DLGAP4: variants seen among roughly 807,000 people sequenced by gnomAD.
DLGAP4 encodes the protein DLG associated protein 4, also known as disks large-associated protein 4.
Under a neutral mutation model 86.9 loss-of-function variants are expected in DLGAP4, and 18 were observed. The observed-to-expected ratio is 0.21, with a 90% CI of 0.14 to 0.31. The LOEUF (loss-of-function observed/expected upper bound fraction) is 0.31, where lower values mean the gene tolerates loss of function less well. Among genes scored for constraint, DLGAP4 ranks in the 10% least tolerant of loss-of-function variants. DLGAP4 has a pLI of 1.00. For synonymous variants in DLGAP4, 548 were observed against 574.3 expected, an observed-to-expected ratio of 0.95 and a Z score of 0.65; for missense variants, 1,085 against 1,362.6, an observed-to-expected ratio of 0.80 and a Z score of 3.21.
chr20:36,438,767 G>A (rs2033361768), intron 4 of DLGAP4, among the ~76,000 whole-genome samples: 1 of 146,682 alleles, frequency 6.8e-6, no homozygotes, highest in Admixed American at 6.9e-5. Flanking sequence ...GGAGTGCAGT[G>A]GCACAAACTT....
intron 2 of DLGAP4, among the ~76,000 whole-genome samples, chr20:36,406,007 TTTGCTG>T (rs1414695524): frequency 6.6e-6 from 1 of 152,118 alleles, no homozygotes; most frequent in Admixed American, 6.5e-5. Context: ...AACTGCGGCA[TTTGCTG>T]TTGGAAGCTA....
At chr20:36,311,073 G>A (rs1320193051) in intron 1 of DLGAP4, among the ~76,000 whole-genome samples, 3 of 152,158 alleles carry the variant, frequency 2.0e-5, no homozygotes, top group African/African-American at 7.2e-5. Flanking sequence ...TTAGGGGTGT[G>A]CAGCACGTGC....
At chr20:36,401,876 T>G (rs1600484972) in intron 2 of DLGAP4, among the ~76,000 whole-genome samples, 2 of 152,138 alleles carry the variant, frequency 1.3e-5, no homozygotes, top group African/African-American at 4.8e-5. Flanking sequence ...AAAAGTATTC[T>G]AGAAAGAGGT....
Position 36,526,889 on chromosome 20 carries a change from C to T in DLGAP4, c.2837C>T (p.Ser946Leu). 2 of 1,613,336 alleles carry T rather than the reference C, an allele frequency of 1.2e-6. No individual in the cohort carries two copies. The highest frequency in any genetic ancestry group is 8.5e-7 in the Non-Finnish European group (1 of 1,179,828). ...CCGGCAGTGAGCCGCGACAAGGCCT[C>T]AGACGCCAGCGACAAGCAGCGCCAG... is the stretch of plus-strand genomic sequence containing the variant. ...SKPAVSRDKA[S>L]DASDKQRQEA... Residue 946 changes from serine to leucine, a missense_variant, in exon 13 of 13, where the codon TCA (serine) becomes TTA (leucine). By Grantham distance (145) the Ser-to-Leu change is moderately radical. Coordinates refer to ENST00000339266, the MANE Select transcript of DLGAP4 (RefSeq NM_001365621.2).
At position 36,447,327 on chromosome 20, in the gene DLGAP4, G is replaced by A. The variant is rs373951446; in HGVS notation, c.1648+390G>A. Among the ~76,000 whole-genome samples, 13 of 152,340 alleles carry A rather than the reference G, an allele frequency of 8.5e-5. No homozygotes were observed. The East Asian group carries it at 1.7e-3, about 20-fold the overall frequency. On this transcript the variant is annotated intron_variant, in intron 7 of 12. Coordinates refer to ENST00000339266, the MANE Select transcript of DLGAP4 (RefSeq NM_001365621.2). Reference sequence around the variant, plus strand: ...CAGGTTGGAACCTGCAGAGAAGCCTGCAGTGAGGGTGGGGTCTGCACTGAG... The same window carrying A: ...CAGGTTGGAACCTGCAGAGAAGCCTACAGTGAGGGTGGGGTCTGCACTGAG...
intron 2 of DLGAP4, among the ~76,000 whole-genome samples, chr20:36,396,326 CA>C (rs2031949169): frequency 2.2e-5 from 3 of 136,962 alleles, no homozygotes; most frequent in Non-Finnish European, 3.1e-5. Flanking sequence ...ACCCAGCACA[CA>C]CACACACACG....
At chr20:36,427,578 A>G (rs2033010949) in intron 2 of DLGAP4, among the ~76,000 whole-genome samples, 1 of 152,164 alleles carries the variant, frequency 6.6e-6, no homozygotes, top group Non-Finnish European at 1.5e-5. Flanking sequence ...TTGTTACTAA[A>G]TGTCACTAAA....
At chr20:36,396,327 A>G in intron 2 of DLGAP4, among the ~76,000 whole-genome samples, 1 of 35,144 alleles carries the variant, frequency 2.8e-5, no homozygotes, top group Non-Finnish European at 7.0e-5. Flanking sequence ...CCCAGCACAC[A>G]CACACACACG....
At position 36,528,357 on chromosome 20, in the gene DLGAP4, G is replaced by C. The variant is rs952236745; in HGVS notation, c.*1326G>C. On this transcript the variant is annotated 3_prime_UTR_variant, in exon 13 of 13. Coordinates refer to ENST00000339266, the MANE Select transcript of DLGAP4 (RefSeq NM_001365621.2). Reference sequence around the variant, plus strand: ...GGGCAGGGGCTGAGCCCCGAAGCCAGCTCAGTACCTGAGGGGCTGCTCTAT... The same window carrying C: ...GGGCAGGGGCTGAGCCCCGAAGCCACCTCAGTACCTGAGGGGCTGCTCTAT... 6.6e-6 allele frequency: 1 copy of C among 152,656 alleles called. No homozygotes were observed. The highest frequency in any genetic ancestry group is 2.4e-5 in the African/African-American group (1 of 41,390). The allele number at this position is 152,656 out of a possible 1,614,324, so 9.5% of individuals were successfully genotyped here.
In DLGAP4 at chr20:36,432,527, G is replaced by A. The variant is rs763627689; in HGVS notation, c.810G>A (p.Pro270=). The A allele has an allele frequency of 5.9e-5, 42 of 712,690 alleles. 2 individuals carry two copies. In the Middle Eastern group the frequency reaches 4.2e-3, roughly 71 times the overall value. The allele number at this position is 712,690 out of a possible 1,614,324, so 44.1% of individuals were successfully genotyped here. ...CTGAGCTGACTGCCCCACCACCCCC[G>A]CCCGCACCCCCAGCCACCTGCCCCA... The part of the protein sequence containing the change: ...NTTELTAPPP[P]PAPPATCPSL... The change falls in exon 3 of 13, where the codon CCG becomes CCA. Residue 270 remains proline (P), a synonymous_variant. Transcript: ENST00000339266. The surrounding 1 kb of genome is among the most constrained non-coding windows in gnomAD (Gnocchi z 6.5).
chr20:36,425,368 G>T (rs919042018), intron 2 of DLGAP4, among the ~76,000 whole-genome samples: 4 of 152,118 alleles, frequency 2.6e-5, no homozygotes, highest in Admixed American at 2.6e-4. Context: ...GCAAATCAAA[G>T]CCACAGGGAG....
intron 6 of DLGAP4, among the ~76,000 whole-genome samples, chr20:36,443,177 G>T (rs1016022170): frequency 6.6e-5 from 10 of 152,160 alleles, no homozygotes; most frequent in African/African-American, 2.4e-4. Context: ...AGATCCCTTG[G>T]CTTTTCTCCT....
intron 10 of DLGAP4, among the ~76,000 whole-genome samples, chr20:36,511,688 A>G (rs1482918211): frequency 1.3e-5 from 2 of 151,880 alleles, no homozygotes; most frequent in Non-Finnish European, 2.9e-5. Context: ...CAGCCTGGCC[A>G]ACATGGTGAA....
intron 2 of DLGAP4, among the ~76,000 whole-genome samples, chr20:36,368,221 C>T (rs1336519329): frequency 6.6e-6 from 1 of 152,232 alleles, no homozygotes; most frequent in African/African-American, 2.4e-5. Flanking sequence ...CGCCTCCTGG[C>T]CTTTTGGCCA....
Position 36,374,114 on chromosome 20 carries a change from C to A in DLGAP4, c.-73+6839C>A, listed in dbSNP as rs546434336. 2.0e-5 allele frequency among the ~76,000 whole-genome samples: 3 copies of A among 152,008 alleles called. No homozygotes were observed. In the East Asian group the frequency reaches 5.8e-4, roughly 29 times the overall value. ...GTCAGAAGCTCACTGAGGCAGCCTTCGACTTTCCTGGAGTCAGAACATTGG... is the reference window on the plus strand; with the variant it reads ...GTCAGAAGCTCACTGAGGCAGCCTTAGACTTTCCTGGAGTCAGAACATTGG... On this transcript the variant is annotated intron_variant, in intron 2 of 12. Coordinates refer to ENST00000339266, the MANE Select transcript of DLGAP4 (RefSeq NM_001365621.2).
chr20:36,407,401 C>T (rs867004873), intron 2 of DLGAP4, among the ~76,000 whole-genome samples: 1 of 152,246 alleles, frequency 6.6e-6, no homozygotes, highest in Middle Eastern at 3.4e-3. Flanking sequence ...CATTCATTCA[C>T]CAGGCTTTTA....
rs775367931 is a variant in DLGAP4 at position 36,323,204 on chromosome 20, GAT to G, written c.-304+16696_-304+16697del. Among the ~76,000 whole-genome samples, 59 of 103,646 alleles carry G rather than the reference GAT, an allele frequency of 5.7e-4. 1 individual carries two copies. The East Asian group carries it at 0.012, about 21-fold the overall frequency. The allele number at this position is 103,646 out of a possible 152,430, so 68.0% of individuals were successfully genotyped here. ...AAAAAAAAAAAAAAAAAAAAAAAAA[GAT>G]ATAGGATATCTCCAGCTATACCAAA... On this transcript the variant is annotated intron_variant, in intron 1 of 12. Transcript: ENST00000339266.
intron 7 of DLGAP4, among the ~76,000 whole-genome samples, chr20:36,470,673 G>A (rs182771911): frequency 3.2e-4 from 48 of 151,750 alleles, no homozygotes; most frequent in Non-Finnish European, 1.2e-4. Context: ...GAAATACTCA[G>A]CATCACGTGC....
chr20:36,490,159 G>T (rs2035599180), intron 7 of DLGAP4, among the ~76,000 whole-genome samples: 1 of 152,144 alleles, frequency 6.6e-6, no homozygotes, highest in Admixed American at 6.5e-5. Context: ...CGCCCGGCCA[G>T]TGTTGCTATT....
Sources: gnomAD v4.1 joint callset for allele counts (sites outside exome capture counted in the v4.1 genomes callset) on GRCh38, gnomAD v4.1.1 for gene constraint, Gnocchi (gnomAD v3.1) non-coding constraint, MANE v1.5 for transcripts, NCBI Gene and HGNC (gene_info 2026-07-23, HGNC 2026-07-21) for gene names.